Variants in TENM1 observed in about 807,000 individuals in gnomAD.
TENM1 encodes teneurin transmembrane protein 1.
TENM1 carries 35 observed loss-of-function variants against 174.8 expected under a neutral mutation model. The ratio of observed to expected loss-of-function variants is 0.20; its 90% CI spans 0.15 to 0.27. The LOEUF (loss-of-function observed/expected upper bound fraction) is 0.27, where lower values mean the gene tolerates loss of function less well. Ranked by LOEUF, TENM1 falls within the 10% of genes least tolerant of loss-of-function variation. The probability of loss-of-function intolerance (pLI) is 1.00; values close to 1 mark genes in which losing one functional copy is unlikely to be tolerated. For synonymous variants in TENM1, 781 were observed against 798.7 expected (o/e 0.98, Z 0.37); for missense variants, 1,633 against 2,130.1 (o/e 0.77, Z 4.59).
chrX:124,601,722 G>A (rs2050031342), intron 11 of TENM1, among the ~76,000 whole-genome samples: 2 of 110,160 alleles, frequency 1.8e-5, no homozygotes, highest in Non-Finnish European at 3.8e-5. Flanking sequence ...TTCCAATAGG[G>A]CTTGGCTACT....
chrX:125,185,960 GTA>G, the TENM1 span, among the ~76,000 whole-genome samples: 1 of 111,453 alleles, frequency 9.0e-6, no homozygotes, highest in East Asian at 2.8e-4. Context: ...TTATAGAAGA[GTA>G]TACCTGGAGG....
chrX:124,867,332 C>A (rs766530724), intron 3 of TENM1, among the ~76,000 whole-genome samples: 2 of 111,786 alleles, frequency 1.8e-5, no homozygotes, highest in South Asian at 7.5e-4. Context: ...GGATGGCTCA[C>A]CATACACAAA....
chrX:124,760,606 AG>A (rs1316004725), intron 3 of TENM1, among the ~76,000 whole-genome samples: 2 of 112,222 alleles, frequency 1.8e-5, no homozygotes, highest in African/African-American at 6.5e-5. Context: ...AAGAAAACCT[AG>A]GCAATACCAT....
At chrX:124,967,104 T>C (rs2058736702), upstream of TENM1, among the ~76,000 whole-genome samples, 1 of 111,894 alleles carries the variant, frequency 8.9e-6, no homozygotes, top group Non-Finnish European at 1.9e-5. Flanking sequence ...GATGAAGATA[T>C]TGGAAAAGGA....
chrX:124,401,440 G>A (rs771280219), intron 27 of TENM1, among the ~76,000 whole-genome samples: 11 of 112,155 alleles, frequency 9.8e-5, no homozygotes, highest in Admixed American at 2.8e-4. Context: ...AGCTCTGATA[G>A]CTCCACCTGC....
intron 10 of TENM1, among the ~76,000 whole-genome samples, chrX:124,642,403 C>A (rs895708179): frequency 8.9e-6 from 1 of 112,234 alleles, no homozygotes; most frequent in Non-Finnish European, 1.9e-5. Flanking sequence ...CCAGAGAAGA[C>A]TTTTACTTGA....
chrX:124,668,409 C>T (rs2051827911), intron 6 of TENM1, among the ~76,000 whole-genome samples: 1 of 111,842 alleles, frequency 8.9e-6, no homozygotes, highest in South Asian at 3.8e-4. Flanking sequence ...CGTATGTTTA[C>T]TGCGGCACTA....
the TENM1 span, among the ~76,000 whole-genome samples, chrX:125,035,671 C>T: frequency 1.8e-5 from 2 of 111,639 alleles, no homozygotes; most frequent in African/African-American, 3.3e-5. Flanking sequence ...AAAGGAAGTG[C>T]TAGTTCTTAG....
intron 4 of TENM1, among the ~76,000 whole-genome samples, chrX:124,735,222 C>T (rs1335663090): frequency 3.6e-5 from 4 of 111,995 alleles, no homozygotes; most frequent in Admixed American, 9.4e-5. Context: ...TATCCAGAAT[C>T]TACAAGGAAC....
chrX:124,872,304 C>T (rs74569602), intron 3 of TENM1, among the ~76,000 whole-genome samples: 3 of 111,656 alleles, frequency 2.7e-5, no homozygotes, highest in Non-Finnish European at 3.8e-5. Flanking sequence ...TACAAATTTT[C>T]GCATGGTAAA....
intron 3 of TENM1, among the ~76,000 whole-genome samples, chrX:124,880,410 T>TA (rs1426755393): frequency 2.7e-5 from 3 of 112,431 alleles, no homozygotes; most frequent in African/African-American, 9.7e-5. Flanking sequence ...TTATCAAATC[T>TA]AAGAGTTTTT....
chrX:124,944,696 T>G (rs1334209028), intron 1 of TENM1, among the ~76,000 whole-genome samples: 1 of 108,121 alleles, frequency 9.2e-6, no homozygotes, highest in Non-Finnish European at 1.9e-5. Flanking sequence ...AAATACAAAA[T>G]TCCTTGCTCT....
At chrX:124,447,849 G>A (rs1222653841) in intron 23 of TENM1, among the ~76,000 whole-genome samples, 6 of 111,171 alleles carry the variant, frequency 5.4e-5, no homozygotes, top group Non-Finnish European at 7.5e-5. Context: ...CCCTCCGTGA[G>A]AGAGCTCATC....
the TENM1 span, among the ~76,000 whole-genome samples, chrX:125,146,337 G>A: frequency 1.8e-5 from 2 of 111,261 alleles, no homozygotes; most frequent in African/African-American, 6.5e-5. Flanking sequence ...GAGGGTCAAC[G>A]TTAAGAGCCA....
At chrX:124,756,032 G>T (rs1187105159) in intron 3 of TENM1, among the ~76,000 whole-genome samples, 1 of 103,440 alleles carries the variant, frequency 9.7e-6, no homozygotes, top group Non-Finnish European at 1.9e-5. Context: ...CTGAATGTTG[G>T]CCTGCCTTGC....
intron 6 of TENM1, among the ~76,000 whole-genome samples, chrX:124,670,033 CCT>C (rs1427890867): frequency 9.0e-6 from 1 of 111,610 alleles, no homozygotes; most frequent in Non-Finnish European, 1.9e-5. Context: ...CCTCTCTGTG[CCT>C]CTGTTTCTCA....
At chrX:125,005,439 G>GTA in the TENM1 span, among the ~76,000 whole-genome samples, 1 of 108,002 alleles carries the variant, frequency 9.3e-6, no homozygotes, top group Non-Finnish European at 1.9e-5. Flanking sequence ...GTGTGTGTGT[G>GTA]TGTGTATTTT....
chrX:124,633,413 G>C (rs1361431049), intron 11 of TENM1, among the ~76,000 whole-genome samples: 1 of 111,522 alleles, frequency 9.0e-6, no homozygotes, highest in East Asian at 2.8e-4. Context: ...CTTATAGAGA[G>C]GCAGCCGCAA....
At chrX:125,047,485 T>C in the TENM1 span, among the ~76,000 whole-genome samples, 2 of 111,344 alleles carry the variant, frequency 1.8e-5, no homozygotes, top group Admixed American at 9.6e-5. Flanking sequence ...GCACCAAATA[T>C]CTGGCCAGGT....
Sources: allele counts gnomAD v4.1 joint callset (sites outside exome capture counted in the v4.1 genomes callset), GRCh38; gene constraint gnomAD v4.1.1; transcripts MANE v1.5; gene names NCBI Gene and HGNC (gene_info 2026-07-23, HGNC 2026-07-21).